SYT3: variants seen among roughly 807,000 people sequenced by gnomAD.
SYT3 encodes synaptotagmin 3, also known as synaptotagmin-3.
SYT3 carries 25 observed loss-of-function variants against 50.6 expected under a neutral mutation model. The observed-to-expected ratio is 0.49, with a 90% CI of 0.36 to 0.69. The LOEUF is 0.69. SYT3 is among the 30% of genes least tolerant of loss of function. SYT3 has a pLI of 0.00. For missense variants in SYT3, 589 were observed against 793.6 expected (o/e 0.74, Z 3.10); for synonymous variants, 323 against 353.9 (o/e 0.91, Z 0.98).
At position 50,632,898 on chromosome 19, in the gene SYT3, A is replaced by C. The variant is rs1411952889; in HGVS notation, c.149-87T>G. ...TGTCCCCAAAGAGTTAACCCTTCAT[A>C]TTTGCCATGCAATTGTCCATGCAAT... On this transcript the variant is annotated intron_variant, in intron 3 of 10. Transcript: ENST00000600079. This position sits in a 1 kb window ranked among gnomAD's most constrained non-coding sequence, Gnocchi z 4.7. 8.6e-7 allele frequency: 1 copy of C among 1,160,982 alleles called. No individual in the cohort carries two copies. Among genetic ancestry groups the C allele is most frequent in the Non-Finnish European group, 1.1e-6 (1 of 871,210 alleles). The allele number at this position is 1,160,982 out of a possible 1,614,324, so 71.9% of individuals were successfully genotyped here.
intron 6 of SYT3, 82 bp from the exon 7 acceptor site, chr19:50,626,099 C>T: frequency 6.6e-7 from 1 of 1,517,034 alleles, no homozygotes; most frequent in Non-Finnish European, 8.9e-7. Flanking sequence ...TCGGAGCCTC[C>T]TGCTTTACAC....
chr19:50,636,702 C>T (rs1180742015), intron 3 of SYT3, among the ~76,000 whole-genome samples: 2 of 152,176 alleles, frequency 1.3e-5, no homozygotes, highest in Admixed American at 6.5e-5. Context: ...ATTATATGTT[C>T]CACAAAGGGT....
In SYT3 at chr19:50,632,730, T is replaced by G; in HGVS notation, c.230A>C (p.Lys77Thr). ...LLGVSLFVSWKLCWVPWRDKG... is the reference protein window; with the variant it reads ...LLGVSLFVSWTLCWVPWRDKG... ...GTCCCGCCAGGGCACCCAGCACAAC[T>G]TCCAGGACACGAAGAGAGAGACACC... Residue 77 changes from lysine to threonine, a missense_variant, in exon 4 of 11, where the codon AAG (lysine) becomes ACG (threonine). By Grantham distance (78) the Lys-to-Thr change is moderately conservative (BLOSUM62 -1). Transcript: ENST00000600079. The surrounding 1 kb of genome is among the most constrained non-coding windows in gnomAD (Gnocchi z 4.7). 1 of 1,574,102 alleles carries G rather than the reference T, an allele frequency of 6.4e-7. No individual in the cohort carries two copies. Among genetic ancestry groups the G allele is most frequent in the Non-Finnish European group, 8.6e-7 (1 of 1,163,436 alleles).
In SYT3 at chr19:50,627,576, C is replaced by T. The variant is rs139188875; in HGVS notation, c.1282-1559G>A. Among the ~76,000 whole-genome samples the T allele has an allele frequency of 3.3e-4, 50 of 152,180 alleles. No individual in the cohort carries two copies. The East Asian group carries it at 9.1e-3, about 28-fold the overall frequency. ...TCTCTACTAAAAATACAAAAATTAG[C>T]CGGGCATGGTGGCAGGTGCCTGTAA... On this transcript the variant is annotated intron_variant, in intron 6 of 10. Coordinates refer to ENST00000600079, the MANE Select transcript of SYT3 (RefSeq NM_001160329.2).
chr19:50,635,954 T>C (rs1984482759), intron 3 of SYT3, among the ~76,000 whole-genome samples: 1 of 152,236 alleles, frequency 6.6e-6, no homozygotes, highest in East Asian at 1.9e-4. Context: ...ACCATAACCA[T>C]GAGTATAACA....
chr19:50,638,163 G>A (rs959461195), intron 2 of SYT3: 3 of 152,370 alleles, frequency 2.0e-5, no homozygotes, highest in African/African-American at 7.2e-5. Flanking sequence ...GGGCGGTCAG[G>A]GAGGGCTCTC....
Position 50,625,273 on chromosome 19 carries a change from G to C in SYT3, c.1596C>G (p.Ile532Met), listed in dbSNP as rs199907904. The C allele has an allele frequency of 1.3e-6, 2 of 1,544,516 alleles. No individual in the cohort carries two copies. Among genetic ancestry groups the C allele is most frequent in the Non-Finnish European group, 1.7e-6 (2 of 1,148,870 alleles). The change falls in exon 9 of 11, where the codon ATC becomes ATG. Residue 532 changes from isoleucine to methionine, a missense_variant. Physicochemically the swap from Ile to Met is conservative, Grantham distance 10. Transcript: ENST00000600079. This position sits in a 1 kb window ranked among gnomAD's most constrained non-coding sequence, Gnocchi z 7.5. The stretch of plus-strand genomic sequence containing the variant: ...CGTCGGGGCCCACACGGCACACGCC[G>C]ATCACCTCGTTGTGCCCGATGCTGG... Reference protein sequence around the residue: ...DYDCIGHNEVIGVCRVGPDAA... With the variant: ...DYDCIGHNEVMGVCRVGPDAA...
chr19:50,655,541 C>G, the SYT3 span, among the ~76,000 whole-genome samples: 3 of 151,678 alleles, frequency 2.0e-5, no homozygotes, highest in Non-Finnish European at 4.4e-5. Context: ...CTCAGCTACT[C>G]GGGAGGCTGA....
chr19:50,652,335 C>T, the SYT3 span, among the ~76,000 whole-genome samples: 82 of 152,128 alleles, frequency 5.4e-4, no homozygotes, highest in African/African-American at 1.8e-3. Context: ...ATGCTGGGGA[C>T]GAAAACACAA....
intron 9 of SYT3, chr19:50,624,785 C>G (rs962691049): frequency 1.2e-5 from 2 of 168,260 alleles, no homozygotes; most frequent in African/African-American, 4.7e-5. Flanking sequence ...CTCCTGACCT[C>G]AGGTGATCCA....
chr19:50,648,704 C>T, the SYT3 span, among the ~76,000 whole-genome samples: 1 of 104,356 alleles, frequency 9.6e-6, no homozygotes, highest in Non-Finnish European at 2.0e-5. Flanking sequence ...CCCCCTCCCT[C>T]TGGAGGCACC....
At chr19:50,651,304 C>T in the SYT3 span, among the ~76,000 whole-genome samples, 2 of 152,120 alleles carry the variant, frequency 1.3e-5, no homozygotes, top group Non-Finnish European at 2.9e-5. Flanking sequence ...CATGCTAGGC[C>T]CTTCATGGGA....
upstream of SYT3, among the ~76,000 whole-genome samples, chr19:50,641,997 G>T (rs1189798613): frequency 6.6e-6 from 1 of 152,146 alleles, no homozygotes; most frequent in Admixed American, 6.5e-5. Flanking sequence ...CCTCTAATTA[G>T]ATTACACCCT....
rs549777173 is a variant in SYT3, at chr19:50,632,880, A to C, written c.149-69T>G. ...AGTACATCCTCCCTCTGCTGTCCCC[A>C]AAGAGTTAACCCTTCATATTTGCCA... On this transcript the variant is annotated intron_variant, in intron 3 of 10. Coordinates refer to ENST00000600079, the MANE Select transcript of SYT3 (RefSeq NM_001160329.2). The surrounding 1 kb of genome is among the most constrained non-coding windows in gnomAD (Gnocchi z 4.7). 1.2e-5 allele frequency: 16 copies of C among 1,322,974 alleles called. No individual in the cohort carries two copies. In the African/African-American group the frequency reaches 1.3e-4, roughly 11 times the overall value. The allele number at this position is 1,322,974 out of a possible 1,614,324, so 82.0% of individuals were successfully genotyped here. A position where few individuals can be genotyped will look rare whatever the true frequency, so the allele number is the denominator to read the frequency against.
intron 6 of SYT3, among the ~76,000 whole-genome samples, chr19:50,628,490 G>A (rs1023346887): frequency 6.6e-6 from 1 of 152,088 alleles, no homozygotes; most frequent in Non-Finnish European, 1.5e-5. Flanking sequence ...ATCAGCATTC[G>A]GGCAGGGACC....
chr19:50,638,707 G>A (rs544524010), intron 2 of SYT3, among the ~76,000 whole-genome samples: 1 of 152,228 alleles, frequency 6.6e-6, no homozygotes, highest in Non-Finnish European at 1.5e-5. Context: ...GGTCGAACGG[G>A]AGGATGGATG....
rs1568761038 is a variant in SYT3, at chr19:50,625,959, C to T, written c.1340G>A (p.Arg447His). Residue 447 changes from arginine to histidine, a missense_variant, in exon 7 of 11, where the codon CGC becomes CAC. By Grantham distance (29) the Arg-to-His change is conservative (BLOSUM62 0). Coordinates refer to ENST00000600079, the MANE Select transcript of SYT3 (RefSeq NM_001160329.2). This position sits in a 1 kb window ranked among gnomAD's most constrained non-coding sequence, Gnocchi z 7.5. ...FSLCYLPTAG[R>H]LTVTIIKASN... is the part of the protein sequence containing the mutation. ...GGCTTTGATGATGGTCACGGTGAGGCGCCCGGCCGTGGGGAGGTAGCAGAG... is the reference window on the plus strand; with the variant it reads ...GGCTTTGATGATGGTCACGGTGAGGTGCCCGGCCGTGGGGAGGTAGCAGAG... 4 of 1,614,110 alleles carry T rather than the reference C, an allele frequency of 2.5e-6. No homozygotes were observed. The highest frequency in any genetic ancestry group is 1.1e-5 in the South Asian group (1 of 91,072).
At chr19:50,634,693 T>C (rs1984437603) in intron 3 of SYT3, among the ~76,000 whole-genome samples, 1 of 149,288 alleles carries the variant, frequency 6.7e-6, no homozygotes, top group African/African-American at 2.5e-5. Flanking sequence ...AAGCACTTCC[T>C]GTGCCTGAGC....
intron 3 of SYT3, among the ~76,000 whole-genome samples, chr19:50,635,188 G>A (rs1258191664): frequency 6.6e-6 from 1 of 151,874 alleles, no homozygotes; most frequent in African/African-American, 2.4e-5. Flanking sequence ...GATTACAGGT[G>A]TGAGCCACCA....
Sources: gnomAD v4.1 joint callset for allele counts (sites outside exome capture counted in the v4.1 genomes callset) on GRCh38, gnomAD v4.1.1 for gene constraint, Gnocchi (gnomAD v3.1) non-coding constraint, MANE v1.5 for transcripts, NCBI Gene and HGNC (gene_info 2026-07-23, HGNC 2026-07-21) for gene names.